ABCA5: variants seen among roughly 807,000 people sequenced by gnomAD.
ABCA5 encodes the protein cholesterol transporter ABCA5.
ABCA5 carries 163 observed loss-of-function variants against 206.0 expected under a neutral mutation model. That is an observed-to-expected ratio of 0.79 (90% CI 0.70 to 0.90). The LOEUF (loss-of-function observed/expected upper bound fraction) is 0.90. Among genes scored for constraint, ABCA5 ranks in the 40% least tolerant of loss-of-function variants. The probability of loss-of-function intolerance (pLI) is 0.00; values close to 1 mark genes in which losing one functional copy is unlikely to be tolerated. For missense variants in ABCA5, 1,859 were observed against 1,912.9 expected, an observed-to-expected ratio of 0.97 and a Z score of 0.53; for synonymous variants, 609 against 613.8, an observed-to-expected ratio of 0.99 and a Z score of 0.11.
Position 69,256,142 on chromosome 17 carries a change from T to C in ABCA5, c.3858+15A>G, listed in dbSNP as rs766306763. On this transcript the variant is annotated intron_variant, in intron 29 of 38. Transcript: ENST00000392676. ...TTTCATATTTACTATGACTTAGCCA[T>C]AAAGAATAAATTACCTCCTCACAAC... 6.4e-7 allele frequency: 1 copy of C among 1,567,812 alleles called. No individual in the cohort carries two copies. The highest frequency in any genetic ancestry group is 8.6e-7 in the Non-Finnish European group (1 of 1,162,300).
At chr17:69,258,756 C>G (rs184021033) in intron 28 of ABCA5, among the ~76,000 whole-genome samples, 2 of 152,042 alleles carry the variant, frequency 1.3e-5, no homozygotes, top group South Asian at 2.1e-4. Context: ...TCAAATGGAA[C>G]TTTTATGTTA....
intron 6 of ABCA5, among the ~76,000 whole-genome samples, chr17:69,305,748 G>C (rs1420550648): frequency 6.6e-6 from 1 of 152,090 alleles, no homozygotes; most frequent in African/African-American, 2.4e-5. Context: ...GCATGCACCT[G>C]TAGTCCCAAC....
intron 1 of ABCA5, among the ~76,000 whole-genome samples, chr17:69,315,819 A>G (rs2075811099): frequency 6.6e-6 from 1 of 152,176 alleles, no homozygotes; most frequent in Admixed American, 6.6e-5. Flanking sequence ...CTAAGAAAAT[A>G]AAATCAAAGA....
chr17:69,298,456 C>T (rs1389210177), intron 9 of ABCA5, among the ~76,000 whole-genome samples: 2 of 152,116 alleles, frequency 1.3e-5, no homozygotes, highest in Non-Finnish European at 2.9e-5. Context: ...CAAATATCTA[C>T]TCTTCTTTTA....
At chr17:69,299,131 C>T (rs548275146) in intron 9 of ABCA5, among the ~76,000 whole-genome samples, 21 of 152,194 alleles carry the variant, frequency 1.4e-4, no homozygotes, top group African/African-American at 5.1e-4. Flanking sequence ...CTTACTCCTA[C>T]GAGAATGGCC....
intron 11 of ABCA5, among the ~76,000 whole-genome samples, chr17:69,291,543 C>A (rs1020155116): frequency 2.0e-5 from 3 of 152,050 alleles, no homozygotes; most frequent in African/African-American, 7.2e-5. Flanking sequence ...TTTGTTCATA[C>A]AGTAAGATTT....
chr17:69,255,477 TA>T (rs2075064762), intron 31 of ABCA5, 65 bp downstream of exon 31: 1 of 1,070,422 alleles, frequency 9.3e-7, no homozygotes, highest in Non-Finnish European at 1.3e-6. Context: ...AATTTGTCAC[TA>T]AAAGTTTATG....
chr17:69,257,284 T>C (rs1312875232), intron 28 of ABCA5, among the ~76,000 whole-genome samples: 1 of 149,318 alleles, frequency 6.7e-6, no homozygotes, highest in African/African-American at 2.5e-5. Context: ...GGCAGAAGAA[T>C]CGTTTCAACC....
At chr17:69,270,851 G>A (rs1266754376) in intron 21 of ABCA5, 101 bp from the exon 22 acceptor site, 33 of 1,127,944 alleles carry the variant, frequency 2.9e-5, no homozygotes, top group Non-Finnish European at 3.9e-5. Context: ...TTCTCATACA[G>A]AAAAACTGCT....
At chr17:69,310,040 A>G (rs939539883) in intron 3 of ABCA5, among the ~76,000 whole-genome samples, 4 of 152,206 alleles carry the variant, frequency 2.6e-5, no homozygotes, top group African/African-American at 9.6e-5. Context: ...GTTTCTCAAA[A>G]CCTCAATTAA....
chr17:69,310,855 T>A (rs1036908622), intron 3 of ABCA5, among the ~76,000 whole-genome samples: 2 of 152,172 alleles, frequency 1.3e-5, no homozygotes, highest in African/African-American at 4.8e-5. Flanking sequence ...CTGATGACAC[T>A]GGGTTGTTGT....
intron 28 of ABCA5, among the ~76,000 whole-genome samples, chr17:69,256,793 G>A (rs551672674): frequency 1.5e-3 from 224 of 151,990 alleles, no homozygotes; most frequent in African/African-American, 5.2e-3. Context: ...ACATTTGGAC[G>A]ATATTATCTA....
intron 1 of ABCA5, among the ~76,000 whole-genome samples, chr17:69,319,738 T>C (rs551139574): frequency 6.6e-6 from 1 of 152,248 alleles, no homozygotes; most frequent in Non-Finnish European, 1.5e-5. Flanking sequence ...TTGGAGTATG[T>C]GAAATGTCCT....
intron 36 of ABCA5, 120 bp from the exon 37 acceptor site, chr17:69,250,104 T>C (rs1346662946): frequency 7.6e-6 from 5 of 654,382 alleles, no homozygotes; most frequent in Non-Finnish European, 1.2e-5. Context: ...GGTATTTAGT[T>C]GGATGAAAAT....
chr17:69,281,087 C>T (rs1185734015), intron 18 of ABCA5, among the ~76,000 whole-genome samples: 1 of 150,294 alleles, frequency 6.7e-6, no homozygotes, highest in Non-Finnish European at 1.5e-5. Flanking sequence ...CCAATTAAAC[C>T]ATAAACATAT....
chr17:69,302,897 C>CA lies in ABCA5; in HGVS notation c.939dup (p.Ala314CysfsTer9). The CA allele has an allele frequency of 6.7e-7, 1 of 1,490,024 alleles. No individual in the cohort carries two copies. Among genetic ancestry groups the CA allele is most frequent in the Non-Finnish European group, 9.0e-7 (1 of 1,112,110 alleles). 92.3% of individuals were successfully genotyped at this position (1,490,024 alleles called of 1,614,324 possible). A position where few individuals can be genotyped will look rare whatever the true frequency, so the allele number is the denominator to read the frequency against. On this transcript the variant is annotated frameshift_variant, in exon 8 of 39. Transcript: ENST00000392676. LOFTEE classifies it high-confidence loss of function. ...TTAAAAAGAGGTGTCAGCATTAAAG[C>CA]AAAAAATACCTATAAAATACAAATA...
intron 22 of ABCA5, chr17:69,268,973 G>C (rs939132790): frequency 3.9e-5 from 6 of 152,184 alleles, no homozygotes; most frequent in African/African-American, 1.4e-4. Flanking sequence ...CAAATATGTA[G>C]ACTAGTAGTG....
rs746387299 is a variant in ABCA5 at position 69,287,591 on chromosome 17, G to A, written c.2041+22C>T. ...CTTTTGGCCCATGATCTCAGCCTTCGAAAATAAAACAAAAATCTCACCTGC... is the reference window on the plus strand; with the variant it reads ...CTTTTGGCCCATGATCTCAGCCTTCAAAAATAAAACAAAAATCTCACCTGC... On this transcript the variant is annotated intron_variant, in intron 15 of 38. Transcript: ENST00000392676. 16 of 1,598,544 alleles carry A rather than the reference G, an allele frequency of 1.0e-5. No individual in the cohort carries two copies. The African/African-American group carries it at 1.6e-4, about 16-fold the overall frequency.
Position 69,261,196 on chromosome 17 carries a change from T to C in ABCA5, c.3493A>G (p.Ile1165Val). 4 of 1,609,380 alleles carry C rather than the reference T, an allele frequency of 2.5e-6. No homozygotes were observed. Among genetic ancestry groups the C allele is most frequent in the Non-Finnish European group, 3.4e-6 (4 of 1,177,456 alleles). Residue 1165 changes from isoleucine (I) to valine (V), a missense_variant, in exon 26 of 39, where the codon ATT (isoleucine) becomes GTT (valine). Coordinates refer to ENST00000392676, the MANE Select transcript of ABCA5 (RefSeq NM_172232.4). The stretch of plus-strand genomic sequence containing the variant: ...ATGATACAAAAGGCATAATGAAGAA[T>C]AGTTGCAATTGTGTATCCCATAAAG... ...TFFMGYTIAT[I>V]LHYAFCIIIP... is the part of the protein sequence containing the mutation.
Sources: allele counts gnomAD v4.1 joint callset (sites outside exome capture counted in the v4.1 genomes callset), GRCh38; gene constraint gnomAD v4.1.1; transcripts MANE v1.5; gene names NCBI Gene and HGNC (gene_info 2026-07-23, HGNC 2026-07-21).